Variants in HDX observed in about 807,000 individuals in gnomAD.
The protein encoded by HDX is chromosome X open reading frame 43.
Under a neutral mutation model 45.2 loss-of-function variants are expected in HDX, and 19 were observed. The observed-to-expected ratio is 0.42, with a 90% CI of 0.29 to 0.62. The LOEUF (loss-of-function observed/expected upper bound fraction) is 0.62. Ranked by LOEUF, HDX falls within the 20% of genes least tolerant of loss-of-function variation. The probability of loss-of-function intolerance (pLI) is 0.20; values close to 1 mark genes in which losing one functional copy is unlikely to be tolerated. For synonymous variants in HDX, 188 were observed against 172.8 expected (o/e 1.09, Z -0.69); for missense variants, 532 against 493.9 (o/e 1.08, Z -0.73).
chrX:84,435,711 T>A (rs2039611523), intron 5 of HDX, among the ~76,000 whole-genome samples: 1 of 108,781 alleles, frequency 9.2e-6, no homozygotes, highest in South Asian at 4.0e-4. Context: ...CGTTTAAATC[T>A]TTAATCCATC....
chrX:84,400,252 G>A (rs2038668104), intron 5 of HDX, among the ~76,000 whole-genome samples: 1 of 109,767 alleles, frequency 9.1e-6, no homozygotes. Flanking sequence ...CAAATAGAAA[G>A]GAAGTCAAAT....
chrX:84,347,218 C>CT (rs956656746), intron 6 of HDX, among the ~76,000 whole-genome samples: 19 of 108,909 alleles, frequency 1.7e-4, no homozygotes, highest in African/African-American at 5.4e-4. Flanking sequence ...TCACTATCTT[C>CT]TTTTTTTAGA....
rs191561059 is a variant in HDX at position 84,447,923 on chromosome X, A to T, written c.1252-7338T>A. ...TGTTCAGGATGCTGCCACTGAAAAC[A>T]ATCTCACCCTCCCCAGTAGCAGAGC... is the stretch of plus-strand genomic sequence containing the variant. On this transcript the variant is annotated intron_variant, in intron 4 of 10. Transcript: ENST00000373177. 3.0e-3 allele frequency among the ~76,000 whole-genome samples: 333 copies of T among 111,212 alleles called. 1 individual carries two copies. Among genetic ancestry groups the T allele is most frequent in the Non-Finnish European group, 4.5e-3 (241 of 53,013 alleles).
At chrX:84,336,192 A>G (rs958351569) in intron 8 of HDX, among the ~76,000 whole-genome samples, 1 of 111,335 alleles carries the variant, frequency 9.0e-6, no homozygotes, top group Non-Finnish European at 1.9e-5. Context: ...CATAGGGAGC[A>G]TCACTATATG....
chrX:84,436,985 G>C (rs888397752), intron 5 of HDX, among the ~76,000 whole-genome samples: 1 of 110,390 alleles, frequency 9.1e-6, no homozygotes, highest in Non-Finnish European at 1.9e-5. Context: ...TGTCCTTTTG[G>C]ATCTAGTAAT....
intron 4 of HDX, among the ~76,000 whole-genome samples, chrX:84,450,343 G>A (rs2039971195): frequency 9.0e-6 from 1 of 111,020 alleles, no homozygotes; most frequent in Non-Finnish European, 1.9e-5. Context: ...GACAGTAAAG[G>A]GATGGAAAAA....
At chrX:84,408,875 G>A (rs1011343836) in intron 5 of HDX, among the ~76,000 whole-genome samples, 2 of 109,736 alleles carry the variant, frequency 1.8e-5, no homozygotes, top group Non-Finnish European at 3.8e-5. Context: ...GTATGTTATA[G>A]GTATATAGGA....
At chrX:84,329,845 G>C (rs1274055876) in intron 9 of HDX, among the ~76,000 whole-genome samples, 1 of 111,336 alleles carries the variant, frequency 9.0e-6, no homozygotes, top group Non-Finnish European at 1.9e-5. Context: ...CTGCTTGTTT[G>C]AATTTGATTG....
intron 5 of HDX, among the ~76,000 whole-genome samples, chrX:84,391,452 G>C (rs2038440042): frequency 9.0e-6 from 1 of 110,953 alleles, no homozygotes; most frequent in South Asian, 3.8e-4. Flanking sequence ...GATTTCTCTT[G>C]GATAAATATT....
At chrX:84,488,324 AACACACACACACACACACACAC>A (rs200905875) in intron 1 of HDX, among the ~76,000 whole-genome samples, 192 bp from the exon 2 acceptor site, 1 of 94,844 alleles carries the variant, frequency 1.1e-5, no homozygotes, top group South Asian at 5.6e-4. Context: ...TAAAATCTAA[AACACACACACACACACACACAC>A]ACACACACAC....
At chrX:84,340,448 C>A (rs1569281999) in intron 7 of HDX, among the ~76,000 whole-genome samples, 1 of 110,444 alleles carries the variant, frequency 9.1e-6, no homozygotes, top group Non-Finnish European at 1.9e-5. Flanking sequence ...TTTTGAAATA[C>A]TATGGGCAGC....
intron 5 of HDX, among the ~76,000 whole-genome samples, chrX:84,384,516 A>G (rs1474974648): frequency 3.0e-5 from 3 of 98,895 alleles, no homozygotes; most frequent in Non-Finnish European, 4.0e-5. Context: ...TGTAGAATCT[A>G]TTTAGTTTAA....
chrX:84,338,636 C>CT (rs912342167), intron 7 of HDX, among the ~76,000 whole-genome samples: 6 of 110,256 alleles, frequency 5.4e-5, no homozygotes, highest in African/African-American at 6.6e-5. Flanking sequence ...CTGGTAACCT[C>CT]TTTTTTTTCT....
At chrX:84,373,682 G>A (rs1168907159) in intron 5 of HDX, among the ~76,000 whole-genome samples, 1 of 111,095 alleles carries the variant, frequency 9.0e-6, no homozygotes, top group Non-Finnish European at 1.9e-5. Flanking sequence ...AATAGATGCA[G>A]AAAAGGCCTT....
chrX:84,438,479 A>G lies in HDX; in HGVS notation c.1305+2053T>C, dbSNP rs922149036. ...CATAACAGTGAGGCTTCAGGTCCCA[A>G]TGATCCCACATCCAGACCATAAGTA... On this transcript the variant is annotated intron_variant, in intron 5 of 10. Transcript: ENST00000373177. Among the ~76,000 whole-genome samples the G allele has an allele frequency of 5.5e-5, 6 of 110,008 alleles. No homozygotes were observed. In the South Asian group the frequency reaches 1.2e-3, roughly 21 times the overall value.
intron 7 of HDX, among the ~76,000 whole-genome samples, chrX:84,342,531 G>GTA (rs2037109360): frequency 9.2e-6 from 1 of 108,995 alleles, no homozygotes; most frequent in South Asian, 3.9e-4. Flanking sequence ...GTGTGTGTGT[G>GTA]TGTGTGTGAG....
intron 1 of HDX, among the ~76,000 whole-genome samples, chrX:84,502,047 A>C (rs756686370): frequency 9.0e-6 from 1 of 111,462 alleles, no homozygotes; most frequent in Non-Finnish European, 1.9e-5. Context: ...CTACCCGTCC[A>C]GAAGCGCGTC....
At chrX:84,471,475 T>C (rs2040455827) in intron 3 of HDX, among the ~76,000 whole-genome samples, 1 of 107,939 alleles carries the variant, frequency 9.3e-6, no homozygotes, top group African/African-American at 3.3e-5. Flanking sequence ...TAGGTGTTAT[T>C]TTTCTAATTG....
intron 5 of HDX, among the ~76,000 whole-genome samples, chrX:84,419,598 A>G (rs2039200465): frequency 8.9e-6 from 1 of 112,098 alleles, no homozygotes; most frequent in Admixed American, 9.4e-5. Flanking sequence ...TGGCCATTCT[A>G]AGGGGAAAGA....
Sources: gnomAD v4.1 joint callset for allele counts (sites outside exome capture counted in the v4.1 genomes callset) on GRCh38, gnomAD v4.1.1 for gene constraint, MANE v1.5 for transcripts, NCBI Gene and HGNC (gene_info 2026-07-23, HGNC 2026-07-21) for gene names.